The following MRPS27 variants were observed in gnomAD, a reference collection of about 807,000 sequenced individuals.
MRPS27 encodes the protein small ribosomal subunit protein mS27.
MRPS27 carries 43 observed loss-of-function variants against 48.9 expected under a neutral mutation model. The ratio of observed to expected loss-of-function variants is 0.88; its 90% CI spans 0.69 to 1.13. The LOEUF (loss-of-function observed/expected upper bound fraction) is 1.13, where lower values mean the gene tolerates loss of function less well. Ranked by LOEUF, MRPS27 falls within the 50% of genes most tolerant of loss-of-function variation. The pLI, the probability that MRPS27 is intolerant of heterozygous loss-of-function variation, is 0.00. For synonymous variants in MRPS27, 188 were observed against 171.9 expected (o/e 1.09, Z -0.73); for missense variants, 467 against 476.3 (o/e 0.98, Z 0.18).
intron 2 of MRPS27, among the ~76,000 whole-genome samples, chr5:72,306,908 C>A (rs577948885): frequency 1.3e-5 from 2 of 152,240 alleles, no homozygotes; most frequent in African/African-American, 4.8e-5. Context: ...TGACAGTACA[C>A]AGGGGTTTAT....
At chr5:72,282,302 T>C (rs1456837083) in intron 4 of MRPS27, among the ~76,000 whole-genome samples, 1 of 152,224 alleles carries the variant, frequency 6.6e-6, no homozygotes, top group African/African-American at 2.4e-5. Flanking sequence ...GAAGCTTCTG[T>C]TTATCTACTC....
intron 4 of MRPS27, among the ~76,000 whole-genome samples, chr5:72,272,160 T>G (rs925766802): frequency 5.9e-5 from 9 of 152,318 alleles, no homozygotes; most frequent in African/African-American, 2.2e-4. Context: ...GCCTATGGGA[T>G]ACTTTAGGTC....
intron 2 of MRPS27, among the ~76,000 whole-genome samples, chr5:72,312,621 ATTTTTTT>A (rs1053626658): frequency 7.2e-6 from 1 of 138,216 alleles, no homozygotes; most frequent in African/African-American, 2.6e-5. Context: ...AATCATACTG[ATTTTTTT>A]TTTTTTTTTT....
At chr5:72,241,270 G>A (rs567777844) in intron 4 of MRPS27, among the ~76,000 whole-genome samples, 1 of 152,280 alleles carries the variant, frequency 6.6e-6, no homozygotes, top group Admixed American at 6.5e-5. Flanking sequence ...TGGGATTATA[G>A]GCATGAGCCA....
intron 4 of MRPS27, among the ~76,000 whole-genome samples, chr5:72,270,259 A>G (rs1366658102): frequency 6.7e-6 from 1 of 149,356 alleles, no homozygotes; most frequent in Admixed American, 6.7e-5. Flanking sequence ...CATAGCAAAA[A>G]CTATCATAAA....
At chr5:72,225,252 C>T (rs1301880547) in intron 9 of MRPS27, among the ~76,000 whole-genome samples, 1 of 152,168 alleles carries the variant, frequency 6.6e-6, no homozygotes, top group Non-Finnish European at 1.5e-5. Context: ...GACACCAGAC[C>T]TGACCACCTC....
chr5:72,261,412 G>A (rs529584273), intron 4 of MRPS27, among the ~76,000 whole-genome samples: 199 of 152,046 alleles, frequency 1.3e-3, no homozygotes, highest in Middle Eastern at 6.8e-3. Context: ...CACATGCCTG[G>A]GTAATCTTTG....
intron 4 of MRPS27, among the ~76,000 whole-genome samples, chr5:72,290,737 C>G (rs780418935): frequency 2.6e-5 from 4 of 151,904 alleles, no homozygotes; most frequent in Non-Finnish European, 4.4e-5. Flanking sequence ...AATCCTTTGC[C>G]CAGAAAAAGA....
chr5:72,294,259 C>T (rs75695571), intron 4 of MRPS27, among the ~76,000 whole-genome samples: 9,627 of 151,662 alleles, frequency 0.063, 550 homozygotes, highest in African/African-American at 0.15. Flanking sequence ...CACTAAAATA[C>T]AGTAAGCTTT....
chr5:72,258,233 C>T (rs1234642304), intron 4 of MRPS27, among the ~76,000 whole-genome samples: 2 of 151,936 alleles, frequency 1.3e-5, no homozygotes, highest in African/African-American at 4.8e-5. Flanking sequence ...TGGGAAAACC[C>T]ACACATATAG....
intron 4 of MRPS27, among the ~76,000 whole-genome samples, chr5:72,238,608 T>C (rs1185975218): frequency 6.6e-6 from 1 of 152,194 alleles, no homozygotes; most frequent in Non-Finnish European, 1.5e-5. Flanking sequence ...ACTGGGACAC[T>C]CTTCACTGAG....
chr5:72,298,912 T>C (rs1339317238), intron 2 of MRPS27, among the ~76,000 whole-genome samples: 3 of 151,074 alleles, frequency 2.0e-5, no homozygotes, highest in African/African-American at 7.3e-5. Flanking sequence ...ATGGTACATA[T>C]ACACCATGAA....
intron 2 of MRPS27, among the ~76,000 whole-genome samples, chr5:72,306,404 A>T (rs1750269845): frequency 6.6e-6 from 1 of 152,244 alleles, no homozygotes; most frequent in Non-Finnish European, 1.5e-5. Flanking sequence ...GACAAAATAA[A>T]AAGTCCTGAA....
intron 4 of MRPS27, among the ~76,000 whole-genome samples, chr5:72,246,813 T>C (rs1385486106): frequency 2.0e-5 from 3 of 152,164 alleles, no homozygotes; most frequent in African/African-American, 7.2e-5. Flanking sequence ...CCAAGATAGT[T>C]AGCAATAGGA....
intron 4 of MRPS27, among the ~76,000 whole-genome samples, chr5:72,242,997 G>A (rs1748401932): frequency 6.6e-6 from 1 of 152,244 alleles, no homozygotes; most frequent in East Asian, 1.9e-4. Context: ...ATCCGATTCC[G>A]AGAGCCACCA....
intron 4 of MRPS27, among the ~76,000 whole-genome samples, chr5:72,251,587 T>C (rs553652764): frequency 3.3e-5 from 5 of 152,202 alleles, no homozygotes. Context: ...TATAATACAA[T>C]GGGGTTTATA....
At chr5:72,238,364 C>A (rs1048064737) in intron 4 of MRPS27, among the ~76,000 whole-genome samples, 2 of 152,176 alleles carry the variant, frequency 1.3e-5, no homozygotes, top group Non-Finnish European at 2.9e-5. Flanking sequence ...ATTCCTTATA[C>A]CCCTTACTTC....
intron 4 of MRPS27, chr5:72,241,540 A>C: frequency 8.9e-7 from 1 of 1,121,328 alleles, no homozygotes; most frequent in South Asian, 1.4e-5. Flanking sequence ...GTTTGAGAAG[A>C]ATTCCTGTTG....
At chr5:72,302,445 A>G (rs1354127939) in intron 2 of MRPS27, among the ~76,000 whole-genome samples, 2 of 152,250 alleles carry the variant, frequency 1.3e-5, no homozygotes, top group Non-Finnish European at 2.9e-5. Flanking sequence ...GGGAGCAACC[A>G]TGGGAGGGAA....
Sources: allele counts gnomAD v4.1 joint callset (sites outside exome capture counted in the v4.1 genomes callset), GRCh38; gene constraint gnomAD v4.1.1; transcripts MANE v1.5; gene names NCBI Gene and HGNC (gene_info 2026-07-23, HGNC 2026-07-21).